CREBBP: variants seen among roughly 807,000 people sequenced by gnomAD.
CREBBP encodes CREB binding lysine acetyltransferase.
A neutral mutation model predicts 265.0 loss-of-function variants in CREBBP; 19 were observed. That is an observed-to-expected ratio of 0.07 (90% CI 0.05 to 0.11). The LOEUF is 0.11. Ranked by LOEUF, CREBBP falls within the 10% of genes least tolerant of loss-of-function variation. CREBBP has a pLI of 1.00. For missense variants in CREBBP, 2,525 were observed against 3,219.0 expected, an observed-to-expected ratio of 0.78 and a Z score of 5.22; for synonymous variants, 1,457 against 1,223.7, an observed-to-expected ratio of 1.19 and a Z score of -3.98.
intron 19 of CREBBP, among the ~76,000 whole-genome samples, chr16:3,756,279 G>A (rs891599019): frequency 6.6e-6 from 1 of 152,162 alleles, no homozygotes; most frequent in Non-Finnish European, 1.5e-5. Flanking sequence ...ATAAAATAGA[G>A]GCAACGTCAC....
At position 3,853,299 on chromosome 16, in the gene CREBBP, T is replaced by A. The variant is rs144252742; in HGVS notation, c.86-2290A>T. Among the ~76,000 whole-genome samples, 1,064 of 152,322 alleles carry A rather than the reference T, an allele frequency of 7.0e-3. 13 individuals carry two copies. Among genetic ancestry groups the A allele is most frequent in the Middle Eastern group, 0.017 (5 of 294 alleles). On this transcript the variant is annotated intron_variant, in intron 1 of 30. Transcript: ENST00000262367. Reference sequence around the variant, plus strand: ...CTGCTATCCATAACAGGAGGTTTAATAAGCGGCTGTATAATACTTTAAAAC... The same window carrying A: ...CTGCTATCCATAACAGGAGGTTTAAAAAGCGGCTGTATAATACTTTAAAAC...
intron 3 of CREBBP, among the ~76,000 whole-genome samples, chr16:3,804,454 G>A (rs763868559): frequency 2.6e-5 from 4 of 152,144 alleles, no homozygotes; most frequent in African/African-American, 7.2e-5. Context: ...CATCTCAAAG[G>A]GTTGTGGAAA....
intron 2 of CREBBP, among the ~76,000 whole-genome samples, chr16:3,828,340 C>A (rs1326613715): frequency 6.6e-6 from 1 of 152,204 alleles, no homozygotes; most frequent in Non-Finnish European, 1.5e-5. Flanking sequence ...GATCCACCCG[C>A]CTCGGCCTCC....
At chr16:3,744,362 T>C (rs1332607373) in intron 23 of CREBBP, among the ~76,000 whole-genome samples, 5 of 152,040 alleles carry the variant, frequency 3.3e-5, no homozygotes, top group Admixed American at 2.6e-4. Flanking sequence ...GCACGAGGGG[T>C]GAGGGGTCTT....
Position 3,856,501 on chromosome 16 carries a change from T to G in CREBBP, c.86-5492A>C, listed in dbSNP as rs187808671. Among the ~76,000 whole-genome samples the G allele has an allele frequency of 1.4e-3, 214 of 152,214 alleles. 5 individuals are homozygous for G. Among genetic ancestry groups the G allele is most frequent in the Admixed American group, 0.012 (177 of 15,276 alleles). ...CCAGCTAATTAAAAAAATTTTTTTTTGTAGAGATGGGGTCTTGCTATGTTG... is the reference window on the plus strand; with the variant it reads ...CCAGCTAATTAAAAAAATTTTTTTTGGTAGAGATGGGGTCTTGCTATGTTG... On this transcript the variant is annotated intron_variant, in intron 1 of 30. Coordinates refer to ENST00000262367, the MANE Select transcript of CREBBP (RefSeq NM_004380.3).
chr16:3,780,921 C>T (rs1020418128), intron 7 of CREBBP, 43 bp from the exon 8 acceptor site: 1 of 1,609,382 alleles, frequency 6.2e-7, no homozygotes, highest in African/African-American at 1.3e-5. Context: ...ACTGAAGTGA[C>T]TCAAACACAC....
chr16:3,728,420 C>CTGT lies in CREBBP; in HGVS notation c.6624_6626dup (p.Gln2216dup). 1 of 1,612,974 alleles carries CTGT rather than the reference C, an allele frequency of 6.2e-7. No homozygotes were observed. The highest frequency in any genetic ancestry group is 8.5e-7 in the Non-Finnish European group (1 of 1,179,456). On this transcript the variant is annotated inframe_insertion, in exon 31 of 31. Coordinates refer to ENST00000262367, the MANE Select transcript of CREBBP (RefSeq NM_004380.3). This position sits in a 1 kb window ranked among gnomAD's most constrained non-coding sequence, Gnocchi z 8.7. ...TCCCTTGCTGCTGCTGCTGTTGCTGCTGTTGTTGCTGCTGCTGTTGCTGCT... is the reference window on the plus strand; with the variant it reads ...TCCCTTGCTGCTGCTGCTGTTGCTGCTGTTGTTGTTGCTGCTGCTGTTGCTGCT...
intron 5 of CREBBP, among the ~76,000 whole-genome samples, chr16:3,785,189 C>A (rs377754818): frequency 6.6e-6 from 1 of 152,188 alleles, no homozygotes; most frequent in Non-Finnish European, 1.5e-5. Flanking sequence ...AACTGTACTG[C>A]AACCTCAAGG....
intron 5 of CREBBP, among the ~76,000 whole-genome samples, chr16:3,787,629 GTTTTT>G (rs113867107): frequency 6.9e-6 from 1 of 145,872 alleles, no homozygotes; most frequent in Non-Finnish European, 1.5e-5. Context: ...AAAAAAGGAG[GTTTTT>G]TTTTTTGTTT....
intron 30 of CREBBP, among the ~76,000 whole-genome samples, chr16:3,730,142 A>G (rs2051874720): frequency 6.6e-6 from 1 of 152,188 alleles, no homozygotes; most frequent in Non-Finnish European, 1.5e-5. Flanking sequence ...TGTTGCTCCC[A>G]AGGACCTTCA....
Position 3,841,437 on chromosome 16 carries a change from A to T in CREBBP, c.798+8860T>A, listed in dbSNP as rs565883877. 2.0e-5 allele frequency among the ~76,000 whole-genome samples: 3 copies of T among 152,290 alleles called. No homozygotes were observed. In the South Asian group the frequency reaches 6.2e-4, roughly 32 times the overall value. On this transcript the variant is annotated intron_variant, in intron 2 of 30. Transcript: ENST00000262367. The stretch of plus-strand genomic sequence containing the variant: ...ACTTTGTGCTCTTTTTACAATTTTT[A>T]GTACAAATAAAGGTGTATATAAGAG...
chr16:3,779,074 A>G lies in CREBBP; in HGVS notation c.1824-257T>C, dbSNP rs554337566. Among the ~76,000 whole-genome samples the G allele has an allele frequency of 2.4e-3, 368 of 151,750 alleles. 1 individual carries two copies. The highest frequency in any genetic ancestry group is 3.9e-3 in the Non-Finnish European group (265 of 67,872). On this transcript the variant is annotated intron_variant, in intron 8 of 30. Transcript: ENST00000262367. The stretch of plus-strand genomic sequence containing the variant: ...CCCAGCTACTCGGGAGGCTGAGGCA[A>G]GAGAATTGCTTGAACCCGGGAGGCA...
In CREBBP at chr16:3,767,836, G is replaced by A. The variant is rs1229820276; in HGVS notation, c.3134C>T (p.Pro1045Leu). ...AGGTTTCTTTTCATCCACTTCCATT[G>A]GTTCTGATTTCTGCTCTGCTATGTC... ...ETDIAEQKSEPMEVDEKKPEV... is the reference protein window; with the variant it reads ...ETDIAEQKSELMEVDEKKPEV... The change falls in exon 16 of 31, where the codon CCA (proline) becomes CTA (leucine). Residue 1045 changes from proline (P) to leucine (L), a missense_variant. By Grantham distance (98) the Pro-to-Leu change is moderately conservative (BLOSUM62 -3). Coordinates refer to ENST00000262367, the MANE Select transcript of CREBBP (RefSeq NM_004380.3). The A allele has an allele frequency of 1.9e-6, 3 of 1,613,954 alleles. No homozygotes were observed. Among genetic ancestry groups the A allele is most frequent in the African/African-American group, 2.7e-5 (2 of 74,884 alleles).
Position 3,769,345 on chromosome 16 carries a change from C to G in CREBBP, c.2889G>C (p.Gln963His), listed in dbSNP as rs2141192812. ...CTCTGTTATCAATGCTGGCTGCTGC[C>G]TGGGAAAGCTGTGAAAAAACCGAAA... ...HAQPPGTPLS[Q>H]AAASIDNRVP... Residue 963 changes from glutamine to histidine, a missense_variant, in exon 15 of 31, where the codon CAG (glutamine) becomes CAC (histidine). By Grantham distance (24) the Gln-to-His change is conservative. This residue lies in a region of CREBBP where 548 missense variants were observed against 533.0 expected (regional missense o/e 1.03). Coordinates refer to ENST00000262367, the MANE Select transcript of CREBBP (RefSeq NM_004380.3). 1 of 1,614,174 alleles carries G rather than the reference C, an allele frequency of 6.2e-7. No individual in the cohort carries two copies. Among genetic ancestry groups the G allele is most frequent in the Non-Finnish European group, 8.5e-7 (1 of 1,180,040 alleles).
At chr16:3,865,602 CATGTGA>C (rs2055160856) in intron 1 of CREBBP, among the ~76,000 whole-genome samples, 1 of 152,026 alleles carries the variant, frequency 6.6e-6, no homozygotes, top group African/African-American at 2.4e-5. Context: ...TTTTCTGAGC[CATGTGA>C]ATGAACTACT....
rs375708177 is a variant in CREBBP, at chr16:3,732,066, C to T, written c.4729-129G>A. The T allele has an allele frequency of 1.4e-4, 209 of 1,545,518 alleles. 1 individual carries two copies. In the East Asian group the frequency reaches 1.8e-3, roughly 13 times the overall value. ...AGGTCACCACCAGGCAGACCCCATA[C>T]GTGAACGGCTACAGGTGGCTGTAGG... is the stretch of plus-strand genomic sequence containing the variant. On this transcript the variant is annotated intron_variant, in intron 28 of 30. Transcript: ENST00000262367.
chr16:3,782,192 A>G (rs2053287733), intron 6 of CREBBP, among the ~76,000 whole-genome samples: 1 of 152,202 alleles, frequency 6.6e-6, no homozygotes, highest in Non-Finnish European at 1.5e-5. Flanking sequence ...TGGGGTGACA[A>G]AAGAAACCAT....
At chr16:3,773,451 T>C (rs531010696) in intron 13 of CREBBP, among the ~76,000 whole-genome samples, 20 of 152,184 alleles carry the variant, frequency 1.3e-4, no homozygotes, top group African/African-American at 4.8e-4. Flanking sequence ...GAATTTAAAA[T>C]ACACAAACAA....
At position 3,726,487 on chromosome 16, in the gene CREBBP, C is replaced by T; in HGVS notation, c.*1231G>A. On this transcript the variant is annotated 3_prime_UTR_variant, in exon 31 of 31. Coordinates refer to ENST00000262367, the MANE Select transcript of CREBBP (RefSeq NM_004380.3). ...CGGCCGCTAAGCCTGGGCCACAGTTCCCAGCCACCACCCACGCCGCCACAA... is the reference window on the plus strand; with the variant it reads ...CGGCCGCTAAGCCTGGGCCACAGTTTCCAGCCACCACCCACGCCGCCACAA... 1 of 233,492 alleles carries T rather than the reference C, an allele frequency of 4.3e-6. No individual in the cohort carries two copies. The highest frequency in any genetic ancestry group is 2.2e-5 in the African/African-American group (1 of 45,476). The allele number at this position is 233,492 out of a possible 1,614,324, so 14.5% of individuals were successfully genotyped here.
Sources: allele counts gnomAD v4.1 joint callset (sites outside exome capture counted in the v4.1 genomes callset), GRCh38; gene constraint gnomAD v4.1.1; regional missense constraint gnomAD v4.1.1; non-coding constraint Gnocchi (gnomAD v3.1); transcripts MANE v1.5; gene names NCBI Gene and HGNC (gene_info 2026-07-23, HGNC 2026-07-21).